The following DIAPH3 variants were observed in gnomAD, a reference collection of about 807,000 sequenced individuals.
DIAPH3 encodes the protein protein diaphanous homolog 3.
Under a neutral mutation model 144.3 loss-of-function variants are expected in DIAPH3, and 117 were observed. The ratio of observed to expected loss-of-function variants is 0.81; its 90% CI spans 0.70 to 0.95. The LOEUF (loss-of-function observed/expected upper bound fraction) is 0.95. Ranked by LOEUF, DIAPH3 falls within the 40% of genes least tolerant of loss-of-function variation. The pLI is 0.00. For missense variants in DIAPH3, 1,421 were observed against 1,412.7 expected (o/e 1.01, Z -0.09); for synonymous variants, 519 against 488.9 (o/e 1.06, Z -0.81).
At chr13:59,668,691 A>T (rs1308461293) in intron 27 of DIAPH3, among the ~76,000 whole-genome samples, 1 of 152,202 alleles carries the variant, frequency 6.6e-6, no homozygotes, top group Non-Finnish European at 1.5e-5. Flanking sequence ...CTTTAGTTTG[A>T]ATACTAATGA....
At chr13:59,828,868 G>A (rs562544295) in intron 24 of DIAPH3, among the ~76,000 whole-genome samples, 39 of 151,576 alleles carry the variant, frequency 2.6e-4, no homozygotes, top group African/African-American at 7.3e-4. Flanking sequence ...ATCTACAGTC[G>A]ATTGTTTAAA....
In DIAPH3 at chr13:59,991,157, C is replaced by T. The variant is rs775635160; in HGVS notation, c.1361+1G>A. 8 of 1,556,772 alleles carry T rather than the reference C, an allele frequency of 5.1e-6. No homozygotes were observed. The highest frequency in any genetic ancestry group is 5.3e-6 in the Non-Finnish European group (6 of 1,130,832). On this transcript the variant is annotated splice_donor_variant, in intron 12 of 27. Coordinates refer to ENST00000400324, the MANE Select transcript of DIAPH3 (RefSeq NM_001042517.2). LOFTEE classifies it high-confidence loss of function. ...AACATTAGAATACAACTTCCTCTTACCTTATAAAATAATCATTTCGAATCA... is the reference window on the plus strand; with the variant it reads ...AACATTAGAATACAACTTCCTCTTATCTTATAAAATAATCATTTCGAATCA...
At chr13:59,781,484 G>T (rs1393099719) in intron 25 of DIAPH3, among the ~76,000 whole-genome samples, 2 of 152,194 alleles carry the variant, frequency 1.3e-5, no homozygotes, top group East Asian at 3.9e-4. Flanking sequence ...AGGGACAAGA[G>T]AGCAAAGTGG....
intron 1 of DIAPH3, among the ~76,000 whole-genome samples, chr13:60,160,592 G>A (rs2138482641): frequency 6.6e-6 from 1 of 152,310 alleles, no homozygotes; most frequent in East Asian, 1.9e-4. Flanking sequence ...TAGGACTCAG[G>A]TCCAGGTATT....
chr13:59,813,551 T>G (rs1002536057), intron 24 of DIAPH3, among the ~76,000 whole-genome samples: 2 of 151,892 alleles, frequency 1.3e-5, no homozygotes, highest in Non-Finnish European at 2.9e-5. Context: ...GAGACAAAAG[T>G]TGTAATAAAA....
chr13:59,901,940 A>G (rs1310291234), intron 20 of DIAPH3, among the ~76,000 whole-genome samples: 2 of 152,102 alleles, frequency 1.3e-5, no homozygotes, highest in African/African-American at 4.8e-5. Context: ...TGCGATTCTC[A>G]TGCCTCAGCC....
chr13:59,839,718 T>C (rs2042237231), intron 22 of DIAPH3, among the ~76,000 whole-genome samples: 1 of 152,186 alleles, frequency 6.6e-6, no homozygotes, highest in African/African-American at 2.4e-5. Flanking sequence ...TTCATTAGAA[T>C]TCTTGACCAT....
At chr13:59,902,096 G>C (rs2046466986) in intron 20 of DIAPH3, among the ~76,000 whole-genome samples, 1 of 152,160 alleles carries the variant, frequency 6.6e-6, no homozygotes, top group South Asian at 2.1e-4. Flanking sequence ...TTAAATCAAT[G>C]AATCAGTTAC....
intron 5 of DIAPH3, among the ~76,000 whole-genome samples, chr13:60,038,633 A>T (rs1313163948): frequency 6.6e-6 from 1 of 152,210 alleles, no homozygotes; most frequent in Non-Finnish European, 1.5e-5. Context: ...CAACTTAAGA[A>T]TCTCTTTAGA....
At chr13:60,074,811 A>C (rs934686699) in intron 4 of DIAPH3, among the ~76,000 whole-genome samples, 1 of 152,078 alleles carries the variant, frequency 6.6e-6, no homozygotes, top group Non-Finnish European at 1.5e-5. Flanking sequence ...AGTCAGATCT[A>C]AGTCATTGGT....
intron 17 of DIAPH3, among the ~76,000 whole-genome samples, chr13:59,965,561 T>C (rs1207914984): frequency 3.3e-5 from 5 of 150,178 alleles, no homozygotes; most frequent in African/African-American, 1.2e-4. Context: ...AAAAAATACA[T>C]AGGTCATTAG....
chr13:59,890,042 T>C (rs1818387739), intron 20 of DIAPH3, among the ~76,000 whole-genome samples: 1 of 152,154 alleles, frequency 6.6e-6, no homozygotes, highest in Admixed American at 6.6e-5. Context: ...CTCTGTAATT[T>C]GGCAGAGCCA....
chr13:60,032,632 G>T (rs1326678683), intron 5 of DIAPH3, among the ~76,000 whole-genome samples: 2 of 152,216 alleles, frequency 1.3e-5, no homozygotes, highest in Non-Finnish European at 2.9e-5. Flanking sequence ...AGAGCAGCAG[G>T]GTCCCAGGCC....
At chr13:59,742,095 C>T (rs1343308710) in intron 27 of DIAPH3, among the ~76,000 whole-genome samples, 1 of 152,038 alleles carries the variant, frequency 6.6e-6, no homozygotes, top group African/African-American at 2.4e-5. Flanking sequence ...TGCAGGGGAA[C>T]TCCCATTTAT....
At chr13:59,819,952 G>C (rs1278312503) in intron 24 of DIAPH3, among the ~76,000 whole-genome samples, 2 of 151,776 alleles carry the variant, frequency 1.3e-5, no homozygotes, top group Non-Finnish European at 1.5e-5. Context: ...GATATTTTAA[G>C]AAATAAATGA....
chr13:60,140,867 T>C (rs909220532), intron 1 of DIAPH3, among the ~76,000 whole-genome samples: 11 of 152,140 alleles, frequency 7.2e-5, no homozygotes, highest in African/African-American at 2.7e-4. Context: ...TAGGCTAGTT[T>C]TTTAATGCAT....
intron 27 of DIAPH3, among the ~76,000 whole-genome samples, chr13:59,696,990 G>GA (rs1015927905): frequency 2.0e-5 from 3 of 152,042 alleles, no homozygotes; most frequent in African/African-American, 7.2e-5. Flanking sequence ...CTAAACCTCT[G>GA]AATCATTTAA....
At chr13:60,009,059 A>C (rs2053069106) in intron 8 of DIAPH3, among the ~76,000 whole-genome samples, 1 of 152,204 alleles carries the variant, frequency 6.6e-6, no homozygotes, top group Non-Finnish European at 1.5e-5. Flanking sequence ...CAAGAATCTG[A>C]AACCAGACAG....
intron 17 of DIAPH3, among the ~76,000 whole-genome samples, chr13:59,948,592 C>T (rs563539599): frequency 6.6e-6 from 1 of 152,224 alleles, no homozygotes; most frequent in South Asian, 2.1e-4. Context: ...GCTAGAGCTA[C>T]AGGCATGGGT....
Sources: gnomAD v4.1 joint callset for allele counts (sites outside exome capture counted in the v4.1 genomes callset) on GRCh38, gnomAD v4.1.1 for gene constraint, MANE v1.5 for transcripts, NCBI Gene and HGNC (gene_info 2026-07-23, HGNC 2026-07-21) for gene names.